The following PUS7 variants were observed in gnomAD, a reference collection of about 807,000 sequenced individuals.
PUS7 encodes the protein pseudouridylate synthase 7 homolog.
A neutral mutation model predicts 79.8 loss-of-function variants in PUS7; 48 were observed. The observed-to-expected ratio is 0.60, with a 90% confidence interval of 0.48 to 0.76. The LOEUF (loss-of-function observed/expected upper bound fraction) is 0.76. Ranked by LOEUF, PUS7 falls within the 30% of genes least tolerant of loss-of-function variation. The probability of loss-of-function intolerance (pLI) is 0.00; values close to 1 mark genes in which losing one functional copy is unlikely to be tolerated. For missense variants in PUS7, 729 were observed against 797.6 expected, an observed-to-expected ratio of 0.91 and a Z score of 1.04; for synonymous variants, 286 against 272.2, an observed-to-expected ratio of 1.05 and a Z score of -0.50.
intron 6 of PUS7, 32 bp from the exon 7 acceptor site, chr7:105,491,649 C>A: frequency 1.6e-6 from 2 of 1,232,638 alleles, no homozygotes; most frequent in South Asian, 1.3e-5. Flanking sequence ...CATCTGAAGT[C>A]ACATACTGTA....
At chr7:105,492,672 A>C (rs1346386013) in intron 6 of PUS7, among the ~76,000 whole-genome samples, 1 of 151,066 alleles carries the variant, frequency 6.6e-6, no homozygotes, top group Non-Finnish European at 1.5e-5. Context: ...CGCCCGGCTA[A>C]TTTTTTGTAT....
In PUS7 at chr7:105,457,691, T is replaced by C. The variant is rs755756455; in HGVS notation, c.*99A>G. 21 of 1,133,520 alleles carry C rather than the reference T, an allele frequency of 1.9e-5. No homozygotes were observed. The highest frequency in any genetic ancestry group is 2.1e-5 in the Non-Finnish European group (17 of 826,092). The allele number at this position is 1,133,520 out of a possible 1,614,324, so 70.2% of individuals were successfully genotyped here. On this transcript the variant is annotated 3_prime_UTR_variant, in exon 16 of 16. Transcript: ENST00000469408. ...ATACAAATAATTTTTATTACAAAGA[T>C]TTGAAATCCATATATGAGTCTGAAC...
At chr7:105,475,477 G>T (rs1824067159) in intron 9 of PUS7, among the ~76,000 whole-genome samples, 1 of 150,954 alleles carries the variant, frequency 6.6e-6, no homozygotes, top group South Asian at 2.1e-4. Context: ...CAGCCACCGT[G>T]CCAGGCCATT....
At chr7:105,480,221 C>T (rs1022639983) in intron 9 of PUS7, among the ~76,000 whole-genome samples, 1 of 151,998 alleles carries the variant, frequency 6.6e-6, no homozygotes, top group Non-Finnish European at 1.5e-5. Flanking sequence ...CTTGTAATCC[C>T]AACACTTTGG....
At chr7:105,458,421 C>T (rs997279117) in intron 15 of PUS7, among the ~76,000 whole-genome samples, 3 of 151,322 alleles carry the variant, frequency 2.0e-5, no homozygotes, top group Non-Finnish European at 2.9e-5. Context: ...CCACCACGCC[C>T]GCCTAATTTT....
chr7:105,459,090 G>C (rs752031749), intron 15 of PUS7, 78 bp downstream of exon 15: 7 of 914,638 alleles, frequency 7.7e-6, no homozygotes, highest in Non-Finnish European at 9.9e-6. Flanking sequence ...TGTAAGAGCA[G>C]TTTTCAAAAA....
At chr7:105,466,782 C>T (rs907809336) in intron 12 of PUS7, among the ~76,000 whole-genome samples, 10 of 150,310 alleles carry the variant, frequency 6.7e-5, no homozygotes, top group African/African-American at 2.2e-4. Flanking sequence ...CTGGAATGTA[C>T]TTAAGAGGAT....
At chr7:105,514,416 AAC>A (rs1825814807) in intron 1 of PUS7, among the ~76,000 whole-genome samples, 1 of 151,952 alleles carries the variant, frequency 6.6e-6, no homozygotes, top group Admixed American at 6.6e-5. Context: ...CATCCTGTCC[AAC>A]ACAGTGAAAC....
intron 12 of PUS7, among the ~76,000 whole-genome samples, chr7:105,468,092 C>A (rs1471165202): frequency 6.6e-6 from 1 of 152,032 alleles, no homozygotes; most frequent in African/African-American, 2.4e-5. Flanking sequence ...ACCACCACAC[C>A]CAGCTAATTT....
chr7:105,475,034 A>G (rs1824031984), intron 9 of PUS7, among the ~76,000 whole-genome samples: 1 of 152,196 alleles, frequency 6.6e-6, no homozygotes, highest in South Asian at 2.1e-4. Flanking sequence ...CACCTGATAT[A>G]ACATATTGAA....
At chr7:105,494,698 G>A (rs1004385327) in intron 6 of PUS7, among the ~76,000 whole-genome samples, 2 of 152,008 alleles carry the variant, frequency 1.3e-5, no homozygotes, top group Admixed American at 6.6e-5. Context: ...GTGAGCCACT[G>A]CGCCAGGCCG....
intron 6 of PUS7, among the ~76,000 whole-genome samples, chr7:105,493,730 G>A (rs1391935555): frequency 6.6e-6 from 1 of 152,182 alleles, no homozygotes; most frequent in Non-Finnish European, 1.5e-5. Context: ...TGCGTGCACA[G>A]GGAAAATGCC....
chr7:105,457,924 C>T lies in PUS7; in HGVS notation c.1852G>A (p.Gly618Ser). The T allele has an allele frequency of 6.2e-7, 1 of 1,612,946 alleles. No individual in the cohort carries two copies. Among genetic ancestry groups the T allele is most frequent in the South Asian group, 1.1e-5 (1 of 90,956 alleles). Residue 618 changes from glycine (G) to serine (S), a missense_variant and splice_region_variant, in exon 16 of 16, where the codon GGC becomes AGC. Coordinates refer to ENST00000469408, the MANE Select transcript of PUS7 (RefSeq NM_019042.5). The part of the protein sequence containing the change: ...GKTPPVFASE[G>S]KYRALKMDFS... The stretch of plus-strand genomic sequence containing the variant: ...TCCATTTTCAGAGCCCTGTATTTGC[C>T]TTCTGCAAGGCAAGAAAGAAAACAG...
At chr7:105,504,668 C>T (rs954622180) in intron 4 of PUS7, among the ~76,000 whole-genome samples, 3 of 152,036 alleles carry the variant, frequency 2.0e-5, no homozygotes, top group Admixed American at 1.3e-4. Context: ...CACATGTATA[C>T]GAAAATACAT....
chr7:105,466,111 C>T (rs1446266649), intron 12 of PUS7, among the ~76,000 whole-genome samples: 1 of 151,262 alleles, frequency 6.6e-6, no homozygotes, highest in East Asian at 2.0e-4. Flanking sequence ...TGAGATGTGA[C>T]TGCACTACTG....
At chr7:105,476,390 G>A (rs890201258) in intron 9 of PUS7, among the ~76,000 whole-genome samples, 5 of 152,012 alleles carry the variant, frequency 3.3e-5, no homozygotes, top group South Asian at 4.2e-4. Flanking sequence ...ACAGAGTCTC[G>A]CTCTGTTGCC....
chr7:105,492,001 G>C (rs183992036), intron 6 of PUS7, among the ~76,000 whole-genome samples: 2 of 146,350 alleles, frequency 1.4e-5, no homozygotes, highest in Admixed American at 1.4e-4. Context: ...AGGTTGCAGT[G>C]AGCTGAGACC....
At chr7:105,466,489 G>C (rs577130554) in intron 12 of PUS7, among the ~76,000 whole-genome samples, 1 of 152,070 alleles carries the variant, frequency 6.6e-6, no homozygotes, top group African/African-American at 2.4e-5. Flanking sequence ...CTGGGCTCAA[G>C]TGATTCTGCT....
At chr7:105,475,278 C>A (rs564026928) in intron 9 of PUS7, among the ~76,000 whole-genome samples, 10 of 152,098 alleles carry the variant, frequency 6.6e-5, no homozygotes. Flanking sequence ...CTCCGCCTCC[C>A]GGGTTCACGC....
Sources: gnomAD v4.1 joint callset for allele counts (sites outside exome capture counted in the v4.1 genomes callset) on GRCh38, gnomAD v4.1.1 for gene constraint, MANE v1.5 for transcripts, NCBI Gene and HGNC (gene_info 2026-07-23, HGNC 2026-07-21) for gene names.